The following XIRP2 variants were observed in gnomAD, a reference collection of about 807,000 sequenced individuals.
The protein encoded by XIRP2 is xin actin binding repeat containing 2.
Under a neutral mutation model 277.0 loss-of-function variants are expected in XIRP2, and 236 were observed. The observed-to-expected ratio is 0.85, with a 90% confidence interval of 0.77 to 0.95. XIRP2 has a LOEUF of 0.95. Ranked by LOEUF, XIRP2 falls within the 40% of genes least tolerant of loss-of-function variation. The pLI, the probability that XIRP2 is intolerant of heterozygous loss-of-function variation, is 0.00. For synonymous variants in XIRP2, 1,490 were observed against 1,416.5 expected, an observed-to-expected ratio of 1.05 and a Z score of -1.17; for missense variants, 4,640 against 4,157.5, an observed-to-expected ratio of 1.12 and a Z score of -3.19.
intron 3 of XIRP2, among the ~76,000 whole-genome samples, chr2:167,164,170 G>A (rs1692454196): frequency 6.6e-6 from 1 of 152,126 alleles, no homozygotes; most frequent in African/African-American, 2.4e-5. Flanking sequence ...GCCGGGCGCA[G>A]CGGCTCACGC....
chr2:166,977,822 G>A (rs1219729693), intron 2 of XIRP2, among the ~76,000 whole-genome samples: 2 of 152,142 alleles, frequency 1.3e-5, no homozygotes, highest in African/African-American at 4.8e-5. Context: ...ATAATTCATA[G>A]GGTATCAAGT....
chr2:167,097,776 G>C (rs1363309149), intron 2 of XIRP2, among the ~76,000 whole-genome samples: 1 of 152,158 alleles, frequency 6.6e-6, no homozygotes, highest in African/African-American at 2.4e-5. Flanking sequence ...TTGCTTGACT[G>C]TAAAGGATTT....
chr2:167,103,960 T>A (rs529526658), intron 2 of XIRP2, among the ~76,000 whole-genome samples: 2 of 152,306 alleles, frequency 1.3e-5, no homozygotes, highest in Non-Finnish European at 1.5e-5. Context: ...CTGTTGGAAA[T>A]AGGAGTCAGT....
chr2:167,010,621 C>G (rs537456638), intron 2 of XIRP2, among the ~76,000 whole-genome samples: 22 of 152,154 alleles, frequency 1.4e-4, no homozygotes, highest in African/African-American at 5.3e-4. Context: ...TCATTGGTAG[C>G]TTGATGTGGA....
At chr2:166,896,171 C>T (rs1193263243) in intron 1 of XIRP2, among the ~76,000 whole-genome samples, 1 of 152,136 alleles carries the variant, frequency 6.6e-6, no homozygotes, top group Non-Finnish European at 1.5e-5. Flanking sequence ...GGAGGAAAAA[C>T]ATCCCTATTG....
At chr2:166,973,076 G>A (rs62196033) in intron 2 of XIRP2, among the ~76,000 whole-genome samples, 1,899 of 151,990 alleles carry the variant, frequency 0.012, 15 homozygotes, top group Non-Finnish European at 0.021. Context: ...GGCTTGAATC[G>A]TTGCTTCATT....
chr2:166,899,216 T>C (rs1164510810), intron 1 of XIRP2, among the ~76,000 whole-genome samples: 1 of 152,126 alleles, frequency 6.6e-6, no homozygotes, highest in African/African-American at 2.4e-5. Context: ...GTTATACACA[T>C]AAAGCTTATC....
rs751808689 is a variant in XIRP2, at chr2:167,259,069, G to A, written c.*1252G>A. On this transcript the variant is annotated 3_prime_UTR_variant, in exon 11 of 11. Transcript: ENST00000409195. ...TACACTTTTTCTTTTCTAACACCGT[G>A]AAAATCACTGCATTTTCCAAGAAAA... The A allele has an allele frequency of 5.0e-6, 8 of 1,611,488 alleles. No homozygotes were observed. In the South Asian group the frequency reaches 6.6e-5, roughly 13 times the overall value.
intron 2 of XIRP2, among the ~76,000 whole-genome samples, chr2:167,000,839 C>A (rs1687347284): frequency 6.6e-6 from 1 of 151,952 alleles, no homozygotes; most frequent in Non-Finnish European, 1.5e-5. Context: ...TTAAAATTTC[C>A]TTCCCATATC....
chr2:167,257,906 T>C lies in XIRP2; in HGVS notation c.*89T>C, dbSNP rs1268183635. On this transcript the variant is annotated 3_prime_UTR_variant, in exon 11 of 11. Coordinates refer to ENST00000409195, the MANE Select transcript of XIRP2 (RefSeq NM_152381.6). ...TGGACAAATATACTGTAAACCTCAC[T>C]TTAAACAACTTTTCAAATCCAAAGG... The C allele has an allele frequency of 6.2e-7, 1 of 1,611,022 alleles. No homozygotes were observed. The highest frequency in any genetic ancestry group is 8.5e-7 in the Non-Finnish European group (1 of 1,178,882).
intron 2 of XIRP2, among the ~76,000 whole-genome samples, chr2:166,953,341 C>A (rs1686084313): frequency 6.6e-6 from 1 of 151,864 alleles, no homozygotes; most frequent in Admixed American, 6.6e-5. Flanking sequence ...CTTTTTCATG[C>A]TGTTCTCCTT....
intron 2 of XIRP2, among the ~76,000 whole-genome samples, chr2:167,097,458 A>G (rs1690355800): frequency 6.6e-6 from 1 of 152,062 alleles, no homozygotes; most frequent in Admixed American, 6.6e-5. Flanking sequence ...TTCACACATG[A>G]GATGGGTCTC....
At chr2:167,089,822 G>A (rs1690089286) in intron 2 of XIRP2, among the ~76,000 whole-genome samples, 1 of 152,038 alleles carries the variant, frequency 6.6e-6, no homozygotes, top group African/African-American at 2.4e-5. Flanking sequence ...ATTTGTTTAT[G>A]TATTATCTAA....
At chr2:167,194,150 C>G (rs893662593) in intron 3 of XIRP2, among the ~76,000 whole-genome samples, 1 of 151,470 alleles carries the variant, frequency 6.6e-6, no homozygotes, top group Non-Finnish European at 1.5e-5. Flanking sequence ...GGTATGATCT[C>G]GGCTCACTGC....
chr2:167,121,834 G>T (rs866506093), intron 2 of XIRP2, among the ~76,000 whole-genome samples: 3 of 152,146 alleles, frequency 2.0e-5, no homozygotes, highest in Non-Finnish European at 2.9e-5. Context: ...GGGAATTTAT[G>T]TTCAGTACTC....
chr2:167,003,676 A>G (rs1027826149), intron 2 of XIRP2, among the ~76,000 whole-genome samples: 1 of 151,930 alleles, frequency 6.6e-6, no homozygotes, highest in Non-Finnish European at 1.5e-5. Context: ...TGGTAGAAAG[A>G]AGACTTTAAA....
At position 166,896,493 on chromosome 2, in the gene XIRP2, TA is replaced by T. The variant is rs200125210; in HGVS notation, c.-18-6962del. ...GTTTTTAATAAAAATTTTTAAAAAG[TA>T]AAAAAAAAAGAAAAAGTTTATAAAA... On this transcript the variant is annotated intron_variant, in intron 1 of 10. Coordinates refer to ENST00000409195, the MANE Select transcript of XIRP2 (RefSeq NM_152381.6). 3.3e-3 allele frequency among the ~76,000 whole-genome samples: 473 copies of T among 142,538 alleles called. 11 individuals are homozygous for T. The East Asian group carries it at 0.04, about 12-fold the overall frequency. 93.5% of individuals were successfully genotyped at this position (142,538 alleles called of 152,430 possible). A position where few individuals can be genotyped will look rare whatever the true frequency, so the allele number is the denominator to read the frequency against.
intron 2 of XIRP2, among the ~76,000 whole-genome samples, chr2:167,060,012 G>C (rs973431217): frequency 6.6e-6 from 1 of 152,110 alleles, no homozygotes; most frequent in African/African-American, 2.4e-5. Flanking sequence ...GATCATCCTG[G>C]CTGAGCTGCC....
chr2:167,244,532 T>C lies in XIRP2; in HGVS notation c.3140T>C (p.Ile1047Thr), dbSNP rs1425049952. The C allele has an allele frequency of 6.2e-7, 1 of 1,613,338 alleles. No homozygotes were observed. Among genetic ancestry groups the C allele is most frequent in the South Asian group, 1.1e-5 (1 of 90,974 alleles). The part of the protein sequence containing the change: ...QIIRGISAQE[I>T]QTGNVKSAKW... The stretch of plus-strand genomic sequence containing the variant: ...ATTAGAGGAATATCTGCTCAAGAAA[T>C]ACAGACTGGAAATGTGAAATCTGCC... Residue 1047 changes from isoleucine to threonine, a missense_variant, in exon 9 of 11, where the codon ATA (isoleucine) becomes ACA (threonine). By Grantham distance (89) the Ile-to-Thr change is moderately conservative. Coordinates refer to ENST00000409195, the MANE Select transcript of XIRP2 (RefSeq NM_152381.6).
Sources: allele counts gnomAD v4.1 joint callset (sites outside exome capture counted in the v4.1 genomes callset), GRCh38; gene constraint gnomAD v4.1.1; transcripts MANE v1.5; gene names NCBI Gene and HGNC (gene_info 2026-07-23, HGNC 2026-07-21).